RAB11FIP3: variants seen among roughly 807,000 people sequenced by gnomAD.
The protein encoded by RAB11FIP3 is RAB11 family interacting protein 3.
Under a neutral mutation model 77.8 loss-of-function variants are expected in RAB11FIP3, and 17 were observed. The ratio of observed to expected loss-of-function variants is 0.22; its 90% CI spans 0.15 to 0.33. RAB11FIP3 has a LOEUF of 0.33. RAB11FIP3 is among the 10% of genes least tolerant of loss of function. The pLI is 1.00. For missense variants in RAB11FIP3, 1,005 were observed against 1,011.2 expected (o/e 0.99, Z 0.08); for synonymous variants, 437 against 448.2 (o/e 0.98, Z 0.31).
intron 4 of RAB11FIP3, among the ~76,000 whole-genome samples, chr16:484,678 G>A (rs1023416381): frequency 1.3e-5 from 2 of 152,170 alleles, no homozygotes; most frequent in Non-Finnish European, 2.9e-5. Flanking sequence ...TTTGTGCATT[G>A]CTGTAAACTG....
intron 1 of RAB11FIP3, among the ~76,000 whole-genome samples, chr16:436,241 G>A (rs973993805): frequency 6.6e-6 from 1 of 152,118 alleles, no homozygotes; most frequent in African/African-American, 2.4e-5. Context: ...TCCGAGAGGC[G>A]GAGGTTACAG....
chr16:458,982 C>A (rs1242499799), intron 1 of RAB11FIP3, among the ~76,000 whole-genome samples: 1 of 152,182 alleles, frequency 6.6e-6, no homozygotes, highest in Non-Finnish European at 1.5e-5. Flanking sequence ...ATCTGTGCCT[C>A]ACCCCAGATT....
At chr16:439,352 C>T (rs962068608) in intron 1 of RAB11FIP3, 7 of 152,210 alleles carry the variant, frequency 4.6e-5, no homozygotes, top group African/African-American at 1.2e-4. Context: ...CAACCCGTAA[C>T]GATTGTGATC....
At chr16:463,086 G>A (rs148943668) in intron 2 of RAB11FIP3, among the ~76,000 whole-genome samples, 16 of 152,232 alleles carry the variant, frequency 1.1e-4, no homozygotes, top group African/African-American at 3.4e-4. Flanking sequence ...CACAGTGGCC[G>A]TGCCTTTTCA....
chr16:496,108 G>A (rs1217863370), intron 5 of RAB11FIP3, among the ~76,000 whole-genome samples: 3 of 152,178 alleles, frequency 2.0e-5, no homozygotes, highest in Non-Finnish European at 2.9e-5. Flanking sequence ...TTTTGAGACA[G>A]GTAAGCTGAA....
chr16:510,525 G>A lies in RAB11FIP3; in HGVS notation c.1500-135G>A, dbSNP rs539656800. 1.4e-3 allele frequency: 1,453 copies of A among 1,026,366 alleles called. 26 individuals carry two copies. The South Asian group carries it at 0.014, about 10-fold the overall frequency. The allele number at this position is 1,026,366 out of a possible 1,614,324, so 63.6% of individuals were successfully genotyped here. ...TTCAGAACTGCCTTGACCAGAGCTC[G>A]GGGATGCCCTTCTCGGTGCCCTACT... On this transcript the variant is annotated intron_variant, in intron 8 of 13. Transcript: ENST00000262305.
At chr16:458,042 T>C (rs1412605744) in intron 1 of RAB11FIP3, among the ~76,000 whole-genome samples, 10 of 152,268 alleles carry the variant, frequency 6.6e-5, no homozygotes, top group Admixed American at 5.2e-4. Flanking sequence ...CCCCGGCCTC[T>C]TCCGTTGTGA....
intron 1 of RAB11FIP3, among the ~76,000 whole-genome samples, chr16:445,249 A>G (rs1222376507): frequency 3.3e-5 from 5 of 151,034 alleles, no homozygotes; most frequent in Non-Finnish European, 5.9e-5. Flanking sequence ...CCTGGCCAAC[A>G]TGGTGAAACC....
chr16:500,957 T>C (rs779142849), intron 6 of RAB11FIP3, among the ~76,000 whole-genome samples: 16 of 152,100 alleles, frequency 1.1e-4, no homozygotes, highest in Non-Finnish European at 2.2e-4. Flanking sequence ...GGCAAGGTCA[T>C]GGGCGTTTAA....
intron 3 of RAB11FIP3, among the ~76,000 whole-genome samples, chr16:477,376 G>A (rs1286437059): frequency 6.6e-6 from 1 of 152,252 alleles, no homozygotes; most frequent in Admixed American, 6.5e-5. Context: ...CTTTGTCACT[G>A]ATGACTCTGG....
rs533897063 is a variant in RAB11FIP3, at chr16:436,106, C to T, written c.714+9386C>T. On this transcript the variant is annotated intron_variant, in intron 1 of 13. Coordinates refer to ENST00000262305, the MANE Select transcript of RAB11FIP3 (RefSeq NM_014700.4). ...CCGGCGACTCACAAGGTCAGGAGTTCGAGACCAGCCTGGCTAACATGGTGA... is the reference window on the plus strand; with the variant it reads ...CCGGCGACTCACAAGGTCAGGAGTTTGAGACCAGCCTGGCTAACATGGTGA... Among the ~76,000 whole-genome samples the T allele has an allele frequency of 3.9e-5, 6 of 152,166 alleles. No individual in the cohort carries two copies. The South Asian group carries it at 8.3e-4, about 21-fold the overall frequency.
chr16:442,508 C>T (rs1057255515), intron 1 of RAB11FIP3, among the ~76,000 whole-genome samples: 2 of 152,192 alleles, frequency 1.3e-5, no homozygotes, highest in Non-Finnish European at 2.9e-5. Context: ...TTCTGGTCTT[C>T]CTCCCGCTCA....
At chr16:438,879 G>A (rs2055178009) in intron 1 of RAB11FIP3, among the ~76,000 whole-genome samples, 2 of 152,206 alleles carry the variant, frequency 1.3e-5, no homozygotes, top group African/African-American at 2.4e-5. Context: ...TAGCAGAGAC[G>A]GGGTTTCACT....
Position 506,950 on chromosome 16 carries a change from G to A in RAB11FIP3, c.1499+1323G>A, listed in dbSNP as rs979925015. Among the ~76,000 whole-genome samples the A allele has an allele frequency of 6.6e-6, 1 of 152,128 alleles. No homozygotes were observed. The highest frequency in any genetic ancestry group is 1.5e-5 in the Non-Finnish European group (1 of 68,024). ...CTCCTTGTCAAGGAGAATCCGGGGG[G>A]CTGCCAGATGCACTTGTTTTGTTTT... On this transcript the variant is annotated intron_variant, in intron 8 of 13. Transcript: ENST00000262305. The surrounding 1 kb of genome is among the most constrained non-coding windows in gnomAD (Gnocchi z 4.5).
At chr16:453,194 C>G (rs1356254389) in intron 1 of RAB11FIP3, among the ~76,000 whole-genome samples, 1 of 151,834 alleles carries the variant, frequency 6.6e-6, no homozygotes, top group Non-Finnish European at 1.5e-5. Context: ...CGTGCCTCAG[C>G]CTTCTGAGTC....
chr16:458,147 A>G (rs2055534225), intron 1 of RAB11FIP3, among the ~76,000 whole-genome samples: 1 of 152,236 alleles, frequency 6.6e-6, no homozygotes, highest in Non-Finnish European at 1.5e-5. Context: ...TTTATGAGGC[A>G]TGTTGGCTGA....
rs559029068 is a variant in RAB11FIP3 at position 514,847 on chromosome 16, C to G, written c.1640+4047C>G. 1.3e-5 allele frequency among the ~76,000 whole-genome samples: 2 copies of G among 152,322 alleles called. No homozygotes were observed. The highest frequency in any genetic ancestry group is 1.3e-4 in the Admixed American group (2 of 15,302). ...TGCAGCTTGTGGCACCTGCCGAACC[C>G]CCGGCGTTGGGGTACATGGCCCATC... is the stretch of plus-strand genomic sequence containing the variant. On this transcript the variant is annotated intron_variant, in intron 9 of 13. Transcript: ENST00000262305. The surrounding 1 kb of genome is among the most constrained non-coding windows in gnomAD (Gnocchi z 4.6).
chr16:449,617 C>G (rs1468737124), intron 1 of RAB11FIP3, among the ~76,000 whole-genome samples: 1 of 150,718 alleles, frequency 6.6e-6, no homozygotes, highest in Non-Finnish European at 1.5e-5. Context: ...CCACTGCACT[C>G]CAGCCTGGGT....
At chr16:487,761 G>A (rs2056187283) in intron 4 of RAB11FIP3, among the ~76,000 whole-genome samples, 1 of 152,202 alleles carries the variant, frequency 6.6e-6, no homozygotes, top group Non-Finnish European at 1.5e-5. Context: ...CCCGGCCGCT[G>A]TGTTTTCCAG....
Sources: gnomAD v4.1 joint callset for allele counts (sites outside exome capture counted in the v4.1 genomes callset) on GRCh38, gnomAD v4.1.1 for gene constraint, Gnocchi (gnomAD v3.1) non-coding constraint, MANE v1.5 for transcripts, NCBI Gene and HGNC (gene_info 2026-07-23, HGNC 2026-07-21) for gene names.